Variants in TTF1 observed in about 807,000 individuals in gnomAD.
TTF1 encodes the protein transcription termination factor 1.
TTF1 carries 64 observed loss-of-function variants against 80.2 expected under a neutral mutation model. That is an observed-to-expected ratio of 0.80 (90% CI 0.65 to 0.98). The LOEUF (loss-of-function observed/expected upper bound fraction) is 0.98, where lower values mean the gene tolerates loss of function less well. Among genes scored for constraint, TTF1 ranks in the 50% least tolerant of loss-of-function variants. The pLI, the probability that TTF1 is intolerant of heterozygous loss-of-function variation, is 0.00. For synonymous variants in TTF1, 372 were observed against 382.7 expected, an observed-to-expected ratio of 0.97 and a Z score of 0.33; for missense variants, 1,023 against 1,086.2, an observed-to-expected ratio of 0.94 and a Z score of 0.82.
chr9:132,378,003 G>A (rs1236766234), intron 10 of TTF1, among the ~76,000 whole-genome samples: 2 of 128,012 alleles, frequency 1.6e-5, no homozygotes, highest in Non-Finnish European at 3.3e-5. Context: ...TGCATGTGGT[G>A]CGTGTGAATG....
At chr9:132,381,984 G>A (rs922019046) in intron 9 of TTF1, among the ~76,000 whole-genome samples, 28 of 152,112 alleles carry the variant, frequency 1.8e-4, no homozygotes, top group African/African-American at 6.0e-4. Flanking sequence ...AAAACCAAAG[G>A]CCAAACAATC....
In TTF1 at chr9:132,401,506, T is replaced by C. The variant is rs756087523; in HGVS notation, c.1316A>G (p.Gln439Arg). 12 of 1,614,122 alleles carry C rather than the reference T, an allele frequency of 7.4e-6. No homozygotes were observed. The highest frequency in any genetic ancestry group is 8.5e-6 in the Non-Finnish European group (10 of 1,179,990). The stretch of plus-strand genomic sequence containing the variant: ...TGCCAAACAGGCCTGGGTTTTCTTT[T>C]GTCGGGGCCTAGATTTCACACCTTC... ...MEEGVKSRPR[Q>R]KKTQACLASK... Residue 439 changes from glutamine (Q) to arginine (R), a missense_variant, in exon 2 of 11, where the codon CAA becomes CGA. Coordinates refer to ENST00000334270, the MANE Select transcript of TTF1 (RefSeq NM_007344.4).
rs1258362139 is a variant in TTF1, at chr9:132,401,594, G to A, written c.1228C>T (p.Pro410Ser). ...AGTGTGCTCTCAGAGTTCTTACTGG[G>A]CACTGAAAAATCATCACCAGACACT... The part of the protein sequence containing the change: ...ARVSGDDFSV[P>S]SKNSESTLFD... The change falls in exon 2 of 11, where the codon CCC becomes TCC. Residue 410 changes from proline (P) to serine (S), a missense_variant. Coordinates refer to ENST00000334270, the MANE Select transcript of TTF1 (RefSeq NM_007344.4). The A allele has an allele frequency of 4.3e-6, 7 of 1,614,020 alleles. No homozygotes were observed. Among genetic ancestry groups the A allele is most frequent in the East Asian group, 2.2e-5 (1 of 44,882 alleles).
Position 132,401,872 on chromosome 9 carries a change from T to C in TTF1, c.950A>G (p.His317Arg), listed in dbSNP as rs186468471. 3.7e-6 allele frequency: 6 copies of C among 1,613,804 alleles called. No individual in the cohort carries two copies. Among genetic ancestry groups the C allele is most frequent in the Admixed American group, 1.7e-5 (1 of 59,974 alleles). Residue 317 changes from histidine (H) to arginine (R), a missense_variant, in exon 2 of 11, where the codon CAT becomes CGT. Physicochemically the swap from His to Arg is conservative, Grantham distance 29. Transcript: ENST00000334270. ...MQESRPAVGL[H>R]GETAGIPAPA... ...TGCTGGTATTCCTGCAGTTTCACCA[T>C]GCAGGCCCACAGCAGGCCGGGATTC... is the stretch of plus-strand genomic sequence containing the variant.
At chr9:132,386,459 A>G in intron 9 of TTF1, 97 bp downstream of exon 9, 1 of 1,036,552 alleles carries the variant, frequency 9.6e-7, no homozygotes, top group Non-Finnish European at 1.4e-6. Flanking sequence ...TTCCAAATGC[A>G]GCATCATTAT....
Position 132,401,795 on chromosome 9 carries a change from C to A in TTF1, c.1027G>T (p.Glu343Ter), listed in dbSNP as rs1311058494. The stretch of plus-strand genomic sequence containing the variant: ...TCAGGCATGGCCACTGCCTCAAATT[C>A]CTGGTGATTGGACTTTTTCTTTTTT... ...KKKKKKSNHQ[E>*]FEAVAMPESL... Residue 343 changes from glutamate to a stop codon, truncating the protein, a stop_gained, in exon 2 of 11, where the codon GAA becomes TAA. Transcript: ENST00000334270. LOFTEE classifies it high-confidence loss of function. 1 of 1,614,060 alleles carries A rather than the reference C, an allele frequency of 6.2e-7. No individual in the cohort carries two copies. Among genetic ancestry groups the A allele is most frequent in the Non-Finnish European group, 8.5e-7 (1 of 1,180,022 alleles).
intron 5 of TTF1, among the ~76,000 whole-genome samples, chr9:132,393,082 G>A (rs909588217): frequency 6.6e-6 from 1 of 152,186 alleles, no homozygotes; most frequent in Admixed American, 6.5e-5. Flanking sequence ...CTCTAGAAGG[G>A]AAGTTCCATG....
rs149860709 is a variant in TTF1 at position 132,398,305 on chromosome 9, T to C, written c.1613A>G (p.Lys538Arg). The change falls in exon 4 of 11, where the codon AAG becomes AGG. Residue 538 changes from lysine (K) to arginine (R), a missense_variant. Coordinates refer to ENST00000334270, the MANE Select transcript of TTF1 (RefSeq NM_007344.4). ...KAQGVAIKFG[K>R]FSVKENKQLE... ...CTGCTTATTTTCCTTTACAGAAAACTTGCCAAATTTAATAGCGACACCTAG... is the reference window on the plus strand; with the variant it reads ...CTGCTTATTTTCCTTTACAGAAAACCTGCCAAATTTAATAGCGACACCTAG... 167 of 1,607,948 alleles carry C rather than the reference T, an allele frequency of 1.0e-4. 1 individual carries two copies. Among genetic ancestry groups the C allele is most frequent in the Non-Finnish European group, 1.2e-4 (137 of 1,178,144 alleles).
At chr9:132,392,730 C>T (rs988875483) in intron 5 of TTF1, among the ~76,000 whole-genome samples, 10 of 152,132 alleles carry the variant, frequency 6.6e-5, no homozygotes, top group African/African-American at 2.2e-4. Context: ...GAGCCTCTTA[C>T]GGAGTTTAAG....
intron 1 of TTF1, among the ~76,000 whole-genome samples, chr9:132,405,096 C>T (rs1392447454): frequency 6.6e-6 from 1 of 152,126 alleles, no homozygotes; most frequent in Non-Finnish European, 1.5e-5. Flanking sequence ...ACCGTGTTAG[C>T]CAGGATGGTC....
In TTF1 at chr9:132,384,691, C is replaced by A. The variant is rs1207860262; in HGVS notation, c.2378+1865G>T. On this transcript the variant is annotated intron_variant, in intron 9 of 10. Coordinates refer to ENST00000334270, the MANE Select transcript of TTF1 (RefSeq NM_007344.4). This position sits in a 1 kb window ranked among gnomAD's most constrained non-coding sequence, Gnocchi z 4.1. ...TTTTCTTTTGAGATGGAGTCTTGCT[C>A]TGTTGCCCAGGCTGGAGTGCAATGG... Among the ~76,000 whole-genome samples the A allele has an allele frequency of 6.6e-6, 1 of 152,136 alleles. No homozygotes were observed. The highest frequency in any genetic ancestry group is 1.5e-5 in the Non-Finnish European group (1 of 68,028).
At position 132,392,289 on chromosome 9, in the gene TTF1, G is replaced by A. The variant is rs924750668; in HGVS notation, c.1857-83C>T. The A allele has an allele frequency of 9.1e-6, 14 of 1,530,666 alleles. No individual in the cohort carries two copies. The African/African-American group carries it at 9.5e-5, about 10-fold the overall frequency. The allele number at this position is 1,530,666 out of a possible 1,614,324, so 94.8% of individuals were successfully genotyped here. On this transcript the variant is annotated intron_variant, in intron 5 of 10. Coordinates refer to ENST00000334270, the MANE Select transcript of TTF1 (RefSeq NM_007344.4). ...ATTCTCATCCCAGTACGCAGCAATC[G>A]TGGGGAAAGCTGAATGGGGCAGGCT... is the stretch of plus-strand genomic sequence containing the variant.
At chr9:132,399,057 G>A (rs1015537923) in intron 3 of TTF1, among the ~76,000 whole-genome samples, 23 of 151,982 alleles carry the variant, frequency 1.5e-4, no homozygotes, top group Admixed American at 3.9e-4. Context: ...AAATTAGCTG[G>A]GCTTGGTGGC....
At position 132,375,884 on chromosome 9, in the gene TTF1, T is replaced by C; in HGVS notation, c.*31A>G. On this transcript the variant is annotated 3_prime_UTR_variant, in exon 11 of 11. Transcript: ENST00000334270. ...TTTTAATAGTGACAGGTCTTCACCA[T>C]GTTGGTCAGGCCGGTCTCGAACTCC... 7.4e-7 allele frequency: 1 copy of C among 1,353,354 alleles called. No individual in the cohort carries two copies. Among genetic ancestry groups the C allele is most frequent in the South Asian group, 1.2e-5 (1 of 81,554 alleles). 83.8% of individuals were successfully genotyped at this position (1,353,354 alleles called of 1,614,324 possible).
At chr9:132,397,761 C>T (rs1469615186) in intron 4 of TTF1, among the ~76,000 whole-genome samples, 11 of 152,018 alleles carry the variant, frequency 7.2e-5, no homozygotes, top group Admixed American at 2.0e-4. Context: ...CCGAGGCAGG[C>T]GGATCACGAG....
intron 10 of TTF1, among the ~76,000 whole-genome samples, chr9:132,377,798 G>GTGTGAA (rs1400210127): frequency 3.0e-5 from 4 of 132,122 alleles, no homozygotes; most frequent in African/African-American, 1.2e-4. Flanking sequence ...TGTGGTGTGT[G>GTGTGAA]TGCATGTGGT....
At chr9:132,406,711 G>A (rs1228634558) in intron 1 of TTF1, 79 bp downstream of exon 1, 2 of 151,970 alleles carry the variant, frequency 1.3e-5, no homozygotes, top group Non-Finnish European at 2.9e-5. Context: ...CCCAGAAGAC[G>A]GGGAAACCCA....
intron 6 of TTF1, among the ~76,000 whole-genome samples, chr9:132,391,624 C>T (rs996383259): frequency 3.5e-4 from 54 of 152,290 alleles, no homozygotes; most frequent in African/African-American, 1.3e-3. Flanking sequence ...ACAGAAAACC[C>T]GGTCAGGACT....
chr9:132,402,880 G>A (rs1158256790), intron 1 of TTF1, 52 bp from the exon 2 acceptor site: 1 of 1,489,484 alleles, frequency 6.7e-7, no homozygotes, highest in Non-Finnish European at 8.9e-7. Context: ...TTTTGAGACG[G>A]AGTCTCACTC....
Sources: gnomAD v4.1 joint callset for allele counts (sites outside exome capture counted in the v4.1 genomes callset) on GRCh38, gnomAD v4.1.1 for gene constraint, Gnocchi (gnomAD v3.1) non-coding constraint, MANE v1.5 for transcripts, NCBI Gene and HGNC (gene_info 2026-07-23, HGNC 2026-07-21) for gene names.